The following PCBP3 variants were observed in gnomAD, a reference collection of about 807,000 sequenced individuals.
PCBP3 encodes the protein poly(rC) binding protein 3, also known as poly(rC)-binding protein 3.
A neutral mutation model predicts 52.7 loss-of-function variants in PCBP3; 25 were observed. The ratio of observed to expected loss-of-function variants is 0.47; its 90% CI spans 0.35 to 0.66. PCBP3 has a LOEUF of 0.66. PCBP3 is among the 30% of genes least tolerant of loss of function. The probability of loss-of-function intolerance (pLI) is 0.01; values close to 1 mark genes in which losing one functional copy is unlikely to be tolerated. For missense variants in PCBP3, 391 were observed against 490.3 expected (o/e 0.80, Z 1.91); for synonymous variants, 162 against 183.0 (o/e 0.89, Z 0.93).
At chr21:45,680,460 T>C (rs944067159) in intron 2 of PCBP3, among the ~76,000 whole-genome samples, 6 of 152,206 alleles carry the variant, frequency 3.9e-5, no homozygotes, top group African/African-American at 1.4e-4. Context: ...TAAGTGTGTG[T>C]TTATTTTCAG....
chr21:45,645,940 T>C (rs1360921045), intron 1 of PCBP3, among the ~76,000 whole-genome samples: 2 of 152,174 alleles, frequency 1.3e-5, no homozygotes, highest in African/African-American at 4.8e-5. Flanking sequence ...TTAGAATAAA[T>C]GCTGTAGATT....
chr21:45,818,662 A>G (rs569539733), intron 4 of PCBP3, among the ~76,000 whole-genome samples: 5 of 152,338 alleles, frequency 3.3e-5, no homozygotes, highest in African/African-American at 1.2e-4. Flanking sequence ...GCTCCTTGGT[A>G]TTTACTCAAA....
intron 2 of PCBP3, among the ~76,000 whole-genome samples, chr21:45,670,545 G>A (rs2081105373): frequency 6.6e-6 from 1 of 152,152 alleles, no homozygotes. Flanking sequence ...TACTGCTAAG[G>A]TTCTTAAAGG....
chr21:45,881,331 T>C lies in PCBP3; in HGVS notation c.11-14877T>C, dbSNP rs565819002. Reference sequence around the variant, plus strand: ...GTGTTCATGTTTTTTGTGTGTGAAATTATTAAATCAAGCTAATTAACATAT... The same window carrying C: ...GTGTTCATGTTTTTTGTGTGTGAAACTATTAAATCAAGCTAATTAACATAT... On this transcript the variant is annotated intron_variant, in intron 5 of 17. Coordinates refer to ENST00000681687, the MANE Select transcript of PCBP3 (RefSeq NM_001384156.1). Among the ~76,000 whole-genome samples the C allele has an allele frequency of 3.9e-5, 6 of 152,308 alleles. No homozygotes were observed. The South Asian group carries it at 1.2e-3, about 32-fold the overall frequency.
rs2093144152 is a variant in PCBP3 at position 45,821,684 on chromosome 21, T to G, written c.-125-28277T>G. On this transcript the variant is annotated intron_variant, in intron 4 of 17. Transcript: ENST00000681687. The surrounding 1 kb of genome is among the most constrained non-coding windows in gnomAD (Gnocchi z 4.4). ...GTGATGCTGACTGCTCGTGACATGT[T>G]GCAGCCTGTCTCTGCTCCCTTCCCT... Among the ~76,000 whole-genome samples, 1 of 152,162 alleles carries G rather than the reference T, an allele frequency of 6.6e-6. No homozygotes were observed. The highest frequency in any genetic ancestry group is 1.5e-5 in the Non-Finnish European group (1 of 68,026).
chr21:45,872,687 A>G (rs763432557), intron 5 of PCBP3: 8 of 152,210 alleles, frequency 5.3e-5, no homozygotes, highest in Non-Finnish European at 1.0e-4. Flanking sequence ...GGCTGTCGGC[A>G]TGGTCCAGCT....
At chr21:45,824,406 G>A (rs1003469120) in intron 4 of PCBP3, among the ~76,000 whole-genome samples, 1 of 152,214 alleles carries the variant, frequency 6.6e-6, no homozygotes, top group Non-Finnish European at 1.5e-5. Context: ...CAGAAAGGTT[G>A]GCTTTAGAAG....
At chr21:45,768,013 T>C (rs1186534274) in intron 4 of PCBP3, among the ~76,000 whole-genome samples, 1 of 152,270 alleles carries the variant, frequency 6.6e-6, no homozygotes, top group Non-Finnish European at 1.5e-5. Context: ...CCAGTGTCAC[T>C]ACCCACGTTG....
At position 45,648,498 on chromosome 21, in the gene PCBP3, C is replaced by T. The variant is rs73376621; in HGVS notation, c.-279+4630C>T. ...CCTATACCACTCCCAATTGCCGTGT[C>T]CCACTGGGTCATCTTTCCTCTGTGT... On this transcript the variant is annotated intron_variant, in intron 1 of 17. Coordinates refer to ENST00000681687, the MANE Select transcript of PCBP3 (RefSeq NM_001384156.1). Among the ~76,000 whole-genome samples the T allele has an allele frequency of 4.9e-3, 745 of 152,292 alleles. 7 individuals are homozygous for T. The highest frequency in any genetic ancestry group is 0.016 in the African/African-American group (683 of 41,530).
intron 2 of PCBP3, among the ~76,000 whole-genome samples, chr21:45,681,637 GA>G (rs2081856007): frequency 6.6e-6 from 1 of 152,168 alleles, no homozygotes; most frequent in Non-Finnish European, 1.5e-5. Context: ...GGGAATTGCT[GA>G]ATTCCATTTT....
At chr21:45,764,310 TG>T (rs2089061054) in intron 4 of PCBP3, among the ~76,000 whole-genome samples, 1 of 152,068 alleles carries the variant, frequency 6.6e-6, no homozygotes, top group African/African-American at 2.4e-5. Flanking sequence ...TTAGTAGAAA[TG>T]GGGTTTCTCC....
chr21:45,768,438 C>T (rs1411628168), intron 4 of PCBP3, among the ~76,000 whole-genome samples: 1 of 152,220 alleles, frequency 6.6e-6, no homozygotes, highest in Non-Finnish European at 1.5e-5. Context: ...TACTGAGCAT[C>T]AGACTGTGGG....
intron 2 of PCBP3, among the ~76,000 whole-genome samples, chr21:45,680,135 G>GT (rs1436424495): frequency 6.6e-6 from 1 of 152,182 alleles, no homozygotes; most frequent in East Asian, 1.9e-4. Context: ...TACTGTGGCT[G>GT]TAAGTCTTGA....
chr21:45,935,270 C>G lies in PCBP3; in HGVS notation c.874C>G (p.Pro292Ala). The change falls in exon 16 of 18, where the codon CCG (proline) becomes GCG (alanine). Residue 292 changes from proline (P) to alanine (A), a missense_variant. By Grantham distance (27) the Pro-to-Ala change is conservative (BLOSUM62 -1). Transcript: ENST00000681687. ...GQSSGLDASP[P>A]ASTHELTIPN... ...ATACCCAGGTCTGGACGCCAGCCCA[C>G]CGGCCAGCACTCATGAGCTCACCAT... 2 of 1,612,842 alleles carry G rather than the reference C, an allele frequency of 1.2e-6. No homozygotes were observed. Among genetic ancestry groups the G allele is most frequent in the Non-Finnish European group, 1.7e-6 (2 of 1,179,376 alleles).
chr21:45,767,872 G>A (rs902974770), intron 4 of PCBP3, among the ~76,000 whole-genome samples: 1 of 152,262 alleles, frequency 6.6e-6, no homozygotes, highest in Non-Finnish European at 1.5e-5. Flanking sequence ...TGCTGGTCCT[G>A]AGCAGGCAGA....
Position 45,853,127 on chromosome 21 carries a change from C to T in PCBP3, c.10+3032C>T, listed in dbSNP as rs2094117450. Among the ~76,000 whole-genome samples the T allele has an allele frequency of 6.6e-6, 1 of 152,160 alleles. No individual in the cohort carries two copies. On this transcript the variant is annotated intron_variant, in intron 5 of 17. Transcript: ENST00000681687. The surrounding 1 kb of genome is among the most constrained non-coding windows in gnomAD (Gnocchi z 4.6). ...CAGAGGGGGTGGGCTGGCATGTCTT[C>T]TCTGGAGCCTGCTGTGACCTGGCAT...
intron 4 of PCBP3, among the ~76,000 whole-genome samples, chr21:45,799,829 G>A (rs761510734): frequency 9.2e-5 from 14 of 152,160 alleles, no homozygotes; most frequent in Non-Finnish European, 1.9e-4. Flanking sequence ...AATTAATGCC[G>A]CAGAATATGA....
intron 4 of PCBP3, among the ~76,000 whole-genome samples, chr21:45,810,881 T>C (rs1446713032): frequency 6.6e-6 from 1 of 152,190 alleles, no homozygotes; most frequent in Non-Finnish European, 1.5e-5. Context: ...TTTGTATCAA[T>C]TTTGGAAGCT....
intron 9 of PCBP3, among the ~76,000 whole-genome samples, chr21:45,905,930 G>T (rs922884104): frequency 6.6e-6 from 1 of 152,180 alleles, no homozygotes; most frequent in Non-Finnish European, 1.5e-5. Context: ...CGGGATTCTC[G>T]ACAGAGTCCA....
Sources: gnomAD v4.1 joint callset for allele counts (sites outside exome capture counted in the v4.1 genomes callset) on GRCh38, gnomAD v4.1.1 for gene constraint, Gnocchi (gnomAD v3.1) non-coding constraint, MANE v1.5 for transcripts, NCBI Gene and HGNC (gene_info 2026-07-23, HGNC 2026-07-21) for gene names.